Variants in RARG observed in about 807,000 individuals in gnomAD.
RARG encodes retinoic acid receptor gamma, also known as RAR-gamma.
RARG carries 17 observed loss-of-function variants against 43.7 expected under a neutral mutation model. That is an observed-to-expected ratio of 0.39 (90% CI 0.27 to 0.58). The LOEUF (loss-of-function observed/expected upper bound fraction) is 0.58, where lower values mean the gene tolerates loss of function less well. Among genes scored for constraint, RARG ranks in the 20% least tolerant of loss-of-function variants. The pLI, the probability that RARG is intolerant of heterozygous loss-of-function variation, is 0.57. For synonymous variants in RARG, 238 were observed against 236.4 expected, an observed-to-expected ratio of 1.01 and a Z score of -0.06; for missense variants, 346 against 598.7, an observed-to-expected ratio of 0.58 and a Z score of 4.40.
In RARG at chr12:53,223,679, AC is replaced by A. The variant is rs578054069; in HGVS notation, c.184+3682del. On this transcript the variant is annotated intron_variant, in intron 3 of 9. Transcript: ENST00000425354. ...TCCTGGAGGAGGCCTCACTGCCCTT[AC>A]CCGCCTGCTTGTTCTCCTTGCTTCT... 3.4e-4 allele frequency among the ~76,000 whole-genome samples: 51 copies of A among 152,134 alleles called. No individual in the cohort carries two copies. In the South Asian group the frequency reaches 4.4e-3, roughly 13 times the overall value.
At chr12:53,226,056 C>T (rs767513591) in intron 3 of RARG, among the ~76,000 whole-genome samples, 2 of 152,254 alleles carry the variant, frequency 1.3e-5, no homozygotes, top group Non-Finnish European at 2.9e-5. Flanking sequence ...CCTGACCCCA[C>T]ACATCTTTGG....
chr12:53,219,488 A>G (rs1221046845), intron 3 of RARG, among the ~76,000 whole-genome samples: 4 of 152,176 alleles, frequency 2.6e-5, no homozygotes, highest in African/African-American at 9.7e-5. Flanking sequence ...CGCAGGCGAC[A>G]CTGGTGGAGA....
chr12:53,222,864 T>C (rs1943010866), intron 3 of RARG, among the ~76,000 whole-genome samples: 1 of 152,092 alleles, frequency 6.6e-6, no homozygotes, highest in African/African-American at 2.4e-5. Context: ...CCTTCTAGCA[T>C]TTCATGGGAA....
chr12:53,227,420 C>T lies in RARG; in HGVS notation c.126G>A (p.Leu42=), dbSNP rs751619447. 6.2e-7 allele frequency: 1 copy of T among 1,606,994 alleles called. No individual in the cohort carries two copies. The change falls in exon 3 of 10, where the codon CTG becomes CTA. Residue 42 remains leucine (L), a synonymous_variant. Coordinates refer to ENST00000425354, the MANE Select transcript of RARG (RefSeq NM_000966.6). The surrounding 1 kb of genome is among the most constrained non-coding windows in gnomAD (Gnocchi z 4.3). ...GGCCCAGGCCCCGGAAGCTAGGGCT[C>T]AGCATCTCGAAAGGCGGAGACCCCC... ...ALRGSPPFEM[L]SPSFRGLGQP... is the part of the protein sequence containing the mutation.
intron 2 of RARG, among the ~76,000 whole-genome samples, chr12:53,230,785 G>C (rs974713192): frequency 6.6e-6 from 1 of 151,860 alleles, no homozygotes; most frequent in Non-Finnish European, 1.5e-5. Flanking sequence ...GGGTGTGCCG[G>C]GGTGTGGGGG....
At chr12:53,216,819 TAA>T (rs879575211) in intron 3 of RARG, among the ~76,000 whole-genome samples, 5 of 139,354 alleles carry the variant, frequency 3.6e-5, no homozygotes, top group Admixed American at 7.1e-5. Context: ...GGCTGCTGGG[TAA>T]GTGTGTGTGT....
At chr12:53,212,978 T>TCGGTGGTC in intron 9 of RARG, 107 bp downstream of exon 9, 4 of 1,226,714 alleles carry the variant, frequency 3.3e-6, no homozygotes, top group South Asian at 2.0e-5. Context: ...CAGTGTAGAT[T>TCGGTGGTC]GCCTGGTTCT....
At position 53,213,880 on chromosome 12, in the gene RARG, G is replaced by A; in HGVS notation, c.813+179C>T. On this transcript the variant is annotated intron_variant, in intron 7 of 9. Transcript: ENST00000425354. This position sits in a 1 kb window ranked among gnomAD's most constrained non-coding sequence, Gnocchi z 4.7. Reference sequence around the variant, plus strand: ...AGTCCCGGGAAGTCAGGAGGAGACAGGGCATCCAAAAGTCTAGGATCAGGT... The same window carrying A: ...AGTCCCGGGAAGTCAGGAGGAGACAAGGCATCCAAAAGTCTAGGATCAGGT... The A allele has an allele frequency of 1.9e-6, 2 of 1,061,280 alleles. No homozygotes were observed. The highest frequency in any genetic ancestry group is 1.4e-6 in the Non-Finnish European group (1 of 725,200). The allele number at this position is 1,061,280 out of a possible 1,614,324, so 65.7% of individuals were successfully genotyped here.
At chr12:53,223,483 AGCCTGGGCCCTGGCGGCGGCG>A (rs1195286387) in intron 3 of RARG, among the ~76,000 whole-genome samples, 1 of 150,606 alleles carries the variant, frequency 6.6e-6, no homozygotes, top group Non-Finnish European at 1.5e-5. Flanking sequence ...AGGGGGGTGC[AGCCTGGGCCCTGGCGGCGGCG>A]GCTTGCCCGG....
chr12:53,216,837 TGTGTGC>T (rs895912712), intron 3 of RARG, among the ~76,000 whole-genome samples: 8 of 139,498 alleles, frequency 5.7e-5, no homozygotes, highest in Non-Finnish European at 7.7e-5. Flanking sequence ...TGTGTGTGTG[TGTGTGC>T]GCGCGCGCGC....
intron 5 of RARG, 117 bp from the exon 6 acceptor site, chr12:53,214,723 T>G: frequency 2.7e-6 from 3 of 1,118,594 alleles, no homozygotes; most frequent in Non-Finnish European, 3.7e-6. Context: ...TCTCTGGCAC[T>G]GTAATTACTG....
chr12:53,226,360 C>T (rs923808389), intron 3 of RARG, among the ~76,000 whole-genome samples: 7 of 152,166 alleles, frequency 4.6e-5, no homozygotes, highest in Non-Finnish European at 7.4e-5. Flanking sequence ...TGGAGTCTTG[C>T]TCTGTCACCC....
chr12:53,221,943 G>T (rs1348196894), intron 3 of RARG, among the ~76,000 whole-genome samples: 1 of 151,522 alleles, frequency 6.6e-6, no homozygotes, highest in Non-Finnish European at 1.5e-5. Flanking sequence ...GGTGCTGCAG[G>T]AGTGGGGCGC....
chr12:53,216,512 G>C (rs114788019), intron 3 of RARG, among the ~76,000 whole-genome samples: 1 of 152,154 alleles, frequency 6.6e-6, no homozygotes, highest in Non-Finnish European at 1.5e-5. Context: ...CTGAGGCCAC[G>C]AGAGGGGAAG....
At chr12:53,225,500 T>A (rs1943085735) in intron 3 of RARG, among the ~76,000 whole-genome samples, 1 of 152,160 alleles carries the variant, frequency 6.6e-6, no homozygotes, top group South Asian at 2.1e-4. Context: ...TAGTCACCCC[T>A]TTCACATACA....
At chr12:53,220,332 C>G in intron 3 of RARG, 1 of 1,367,356 alleles carries the variant, frequency 7.3e-7, no homozygotes. Flanking sequence ...CTCCGTCCAG[C>G]TCTTATCTGG....
chr12:53,216,746 T>TTGCA (rs1001723838), intron 3 of RARG, among the ~76,000 whole-genome samples: 5 of 151,904 alleles, frequency 3.3e-5, no homozygotes, highest in African/African-American at 1.2e-4. Context: ...AAATACCCAA[T>TTGCA]TGCAGCTCAA....
At chr12:53,229,909 AC>A in intron 2 of RARG, 1 of 948,306 alleles carries the variant, frequency 1.1e-6, no homozygotes, top group Non-Finnish European at 1.3e-6. Context: ...CCTGATCCTC[AC>A]CAAGGAATGA....
rs775934664 is a variant in RARG at position 53,214,470 on chromosome 12, G to C, written c.612C>G (p.Leu204=). 1.2e-6 allele frequency: 2 copies of C among 1,613,396 alleles called. No homozygotes were observed. The highest frequency in any genetic ancestry group is 1.3e-5 in the African/African-American group (1 of 75,052). Residue 204 remains leucine, a synonymous_variant, in exon 6 of 10, where the codon CTC becomes CTG. Transcript: ENST00000425354. ...CCGTGGTATACTTGCCCAGCTGGCA[G>C]AGCGAGGGGAAAGTCTCCTGATGGG... ...SKAHQETFPS[L]CQLGKYTTNS... is the part of the protein sequence containing the mutation.
Sources: gnomAD v4.1 joint callset for allele counts (sites outside exome capture counted in the v4.1 genomes callset) on GRCh38, gnomAD v4.1.1 for gene constraint, Gnocchi (gnomAD v3.1) non-coding constraint, MANE v1.5 for transcripts, NCBI Gene and HGNC (gene_info 2026-07-23, HGNC 2026-07-21) for gene names.